RAB11FIP5: variants seen among roughly 807,000 people sequenced by gnomAD.
RAB11FIP5 encodes rab11 family-interacting protein 5.
A neutral mutation model predicts 85.1 loss-of-function variants in RAB11FIP5; 48 were observed. That is an observed-to-expected ratio of 0.56 (90% CI 0.45 to 0.72). The LOEUF is 0.72. RAB11FIP5 is among the 30% of genes least tolerant of loss of function. The probability of loss-of-function intolerance (pLI) is 0.00; values close to 1 mark genes in which losing one functional copy is unlikely to be tolerated. For synonymous variants in RAB11FIP5, 729 were observed against 727.3 expected, an observed-to-expected ratio of 1.00 and a Z score of -0.04; for missense variants, 1,491 against 1,687.0, an observed-to-expected ratio of 0.88 and a Z score of 2.04.
chr2:73,077,048 C>T (rs1441727455), intron 4 of RAB11FIP5, among the ~76,000 whole-genome samples: 1 of 152,140 alleles, frequency 6.6e-6, no homozygotes, highest in Non-Finnish European at 1.5e-5. Flanking sequence ...TCAGTCTTAA[C>T]AACTGCTAGT....
At chr2:73,105,409 A>AT (rs750591267) in intron 1 of RAB11FIP5, among the ~76,000 whole-genome samples, 1 of 151,928 alleles carries the variant, frequency 6.6e-6, no homozygotes, top group African/African-American at 2.4e-5. Context: ...TGCCCAGCTA[A>AT]TTTTTTGTAT....
Position 73,074,729 on chromosome 2 carries a change from A to T in RAB11FIP5, c.*792T>A, listed in dbSNP as rs1183143289. ...GATCCCCAAATCATAAGCAGTCCCA[A>T]GCCCCAGCCTGGAGGGACCTACACA... On this transcript the variant is annotated 3_prime_UTR_variant, in exon 6 of 6. Transcript: ENST00000486777. The T allele has an allele frequency of 6.0e-6, 1 of 165,996 alleles. No homozygotes were observed. Among genetic ancestry groups the T allele is most frequent in the Non-Finnish European group, 1.3e-5 (1 of 74,474 alleles). The allele number at this position is 165,996 out of a possible 1,614,324, so 10.3% of individuals were successfully genotyped here.
intron 1 of RAB11FIP5, among the ~76,000 whole-genome samples, chr2:73,105,064 C>G (rs1489658120): frequency 6.6e-6 from 1 of 152,150 alleles, no homozygotes; most frequent in Non-Finnish European, 1.5e-5. Flanking sequence ...GGAGGAAGAA[C>G]AGGATGGCTT....
chr2:73,079,885 T>C lies in RAB11FIP5; in HGVS notation c.3347A>G (p.His1116Arg). Residue 1116 changes from histidine to arginine, a missense_variant, in exon 4 of 6, where the codon CAC becomes CGC. Transcript: ENST00000486777. ...PPPPLPPWAS[H>R]HRGGPSPPCS... ...TGGAGGGCTGGGCCCCCCACGGTGG[T>C]GGCTGGCCCAAGGCGGGAGAGGGGG... The C allele has an allele frequency of 8.1e-7, 1 of 1,232,266 alleles. No individual in the cohort carries two copies. The allele number at this position is 1,232,266 out of a possible 1,614,324, so 76.3% of individuals were successfully genotyped here.
At chr2:73,105,215 G>A (rs1177142886) in intron 1 of RAB11FIP5, among the ~76,000 whole-genome samples, 1 of 152,108 alleles carries the variant, frequency 6.6e-6, no homozygotes, top group Non-Finnish European at 1.5e-5. Flanking sequence ...AAGTGAGGCT[G>A]ACCTTCTCAG....
At chr2:73,100,783 T>C (rs1274266954) in intron 1 of RAB11FIP5, among the ~76,000 whole-genome samples, 4 of 151,816 alleles carry the variant, frequency 2.6e-5, no homozygotes, top group African/African-American at 9.7e-5. Context: ...ACAGGTTTTT[T>C]TTGGTTGTGT....
chr2:73,088,222 G>A lies in RAB11FIP5; in HGVS notation c.1396C>T (p.His466Tyr). 1 of 1,613,906 alleles carries A rather than the reference G, an allele frequency of 6.2e-7. No individual in the cohort carries two copies. The highest frequency in any genetic ancestry group is 1.1e-5 in the South Asian group (1 of 91,084). ...CGACTTAGGCCTTGGTGGTGGTGGT[G>A]GAAGAGACCCATCCGGGGCTTGCGT... ...EERKPRMGLFHHHHQGLSRSE... is the reference protein window; with the variant it reads ...EERKPRMGLFYHHHQGLSRSE... The change falls in exon 3 of 6, where the codon CAC becomes TAC. Residue 466 changes from histidine (H) to tyrosine (Y), a missense_variant. Physicochemically the swap from His to Tyr is moderately conservative, Grantham distance 83. Coordinates refer to ENST00000486777, the MANE Select transcript of RAB11FIP5 (RefSeq NM_001371272.1).
chr2:73,081,126 T>C lies in RAB11FIP5; in HGVS notation c.2106A>G (p.Gly702=), dbSNP rs1049610798. 2.1e-5 allele frequency: 26 copies of C among 1,228,696 alleles called. No homozygotes were observed. The highest frequency in any genetic ancestry group is 4.1e-5 in the South Asian group (1 of 24,198). 76.1% of individuals were successfully genotyped at this position (1,228,696 alleles called of 1,614,324 possible). A position where few individuals can be genotyped will look rare whatever the true frequency, so the allele number is the denominator to read the frequency against. The change falls in exon 4 of 6, where the codon GGA becomes GGG. Residue 702 remains glycine, a synonymous_variant. Coordinates refer to ENST00000486777, the MANE Select transcript of RAB11FIP5 (RefSeq NM_001371272.1). The surrounding 1 kb of genome is among the most constrained non-coding windows in gnomAD (Gnocchi z 4.2). ...KAAEPQGEPG[G]GGGGGGGGGG... ...CTCCTCCTCCTCCTCCTCCTCCTCC[T>C]CCCCCAGGCTCTCCCTGGGGCTCAG... is the stretch of plus-strand genomic sequence containing the variant.
chr2:73,091,849 C>T (rs1352046307), intron 1 of RAB11FIP5, among the ~76,000 whole-genome samples: 1 of 152,176 alleles, frequency 6.6e-6, no homozygotes, highest in African/African-American at 2.4e-5. Context: ...GGTTTTCCCT[C>T]CCAAACCTGA....
intron 3 of RAB11FIP5, among the ~76,000 whole-genome samples, chr2:73,087,736 C>T (rs1684116350): frequency 6.6e-6 from 1 of 152,210 alleles, no homozygotes; most frequent in African/African-American, 2.4e-5. Context: ...AAAGAATTCA[C>T]ACAAATGGAC....
Position 73,074,151 on chromosome 2 carries a change from G to A in RAB11FIP5, c.*1370C>T, listed in dbSNP as rs1207695098. ...TTCAAAGTGCACTGCAGCCAAGCCA[G>A]GCAAGCCCCTGGGGCAGAAGGGACA... is the stretch of plus-strand genomic sequence containing the variant. On this transcript the variant is annotated 3_prime_UTR_variant, in exon 6 of 6. Coordinates refer to ENST00000486777, the MANE Select transcript of RAB11FIP5 (RefSeq NM_001371272.1). The A allele has an allele frequency of 6.6e-6, 1 of 152,294 alleles. No homozygotes were observed. Among genetic ancestry groups the A allele is most frequent in the Non-Finnish European group, 1.5e-5 (1 of 68,076 alleles). 9.4% of individuals were successfully genotyped at this position (152,294 alleles called of 1,614,324 possible). A position where few individuals can be genotyped will look rare whatever the true frequency, so the allele number is the denominator to read the frequency against.
In RAB11FIP5 at chr2:73,081,635, C is replaced by G; in HGVS notation, c.1597G>C (p.Asp533His). Residue 533 changes from aspartate to histidine, a missense_variant, in exon 4 of 6, where the codon GAC becomes CAC. Physicochemically the swap from Asp to His is moderately conservative, Grantham distance 81. Around this residue, in one of 3 missense-constraint regions of RAB11FIP5, gnomAD observed 1,211 missense variants for 1,338.0 expected, o/e 0.91. Transcript: ENST00000486777. This position sits in a 1 kb window ranked among gnomAD's most constrained non-coding sequence, Gnocchi z 4.2. ...SLDVSPQVES[D>H]PAALPHHLPC... ...AGGTGGTGAGGAAGAGCAGCTGGGT[C>G]AGATTCTACCTGAGGAGACACGTCC... The G allele has an allele frequency of 1.6e-6, 2 of 1,230,768 alleles. No homozygotes were observed. The highest frequency in any genetic ancestry group is 2.0e-6 in the Non-Finnish European group (2 of 986,608). 76.2% of individuals were successfully genotyped at this position (1,230,768 alleles called of 1,614,324 possible).
At chr2:73,111,928 G>GCGC (rs1379164070) in intron 1 of RAB11FIP5, among the ~76,000 whole-genome samples, 1 of 152,184 alleles carries the variant, frequency 6.6e-6, no homozygotes, top group Non-Finnish European at 1.5e-5. Flanking sequence ...GGGCAAGGCT[G>GCGC]CGCCTCTCCA....
chr2:73,093,400 G>T (rs147023552), intron 1 of RAB11FIP5, among the ~76,000 whole-genome samples: 1 of 152,310 alleles, frequency 6.6e-6, no homozygotes, highest in African/African-American at 2.4e-5. Context: ...CCCTGGTGTT[G>T]TCATGTCCTG....
In RAB11FIP5 at chr2:73,089,336, G is replaced by C. The variant is rs948111102; in HGVS notation, c.432-21C>G. The C allele has an allele frequency of 6.2e-7, 1 of 1,610,492 alleles. No individual in the cohort carries two copies. Among genetic ancestry groups the C allele is most frequent in the South Asian group, 1.1e-5 (1 of 91,084 alleles). ...ACCACCTGTGAGAAGAGGGGAGCAG[G>C]CAGAACTCAGTCACGGGCCCAGGGA... On this transcript the variant is annotated intron_variant, in intron 1 of 5. Coordinates refer to ENST00000486777, the MANE Select transcript of RAB11FIP5 (RefSeq NM_001371272.1). The surrounding 1 kb of genome is among the most constrained non-coding windows in gnomAD (Gnocchi z 4.6).
At position 73,076,026 on chromosome 2, in the gene RAB11FIP5, C is replaced by T; in HGVS notation, c.3738G>A (p.Gln1246=). 2 of 1,614,020 alleles carry T rather than the reference C, an allele frequency of 1.2e-6. No homozygotes were observed. Among genetic ancestry groups the T allele is most frequent in the South Asian group, 2.2e-5 (2 of 91,084 alleles). ...TTTTGGTGTCCACCATCTGGCCAGC[C>T]TGGGGGGCCTGGGTCACAGGCTGAA... ...GSIQPVTQAP[Q]AGQMVDTKRL... The change falls in exon 5 of 6, where the codon CAG becomes CAA. Residue 1246 remains glutamine, a synonymous_variant. Coordinates refer to ENST00000486777, the MANE Select transcript of RAB11FIP5 (RefSeq NM_001371272.1).
Position 73,081,108 on chromosome 2 carries a change from TCCTCC to T in RAB11FIP5, c.2119_2123del (p.Gly707ArgfsTer31). 8.1e-7 allele frequency: 1 copy of T among 1,232,112 alleles called. No homozygotes were observed. Among genetic ancestry groups the T allele is most frequent in the Non-Finnish European group, 1.0e-6 (1 of 987,900 alleles). 76.3% of individuals were successfully genotyped at this position (1,232,112 alleles called of 1,614,324 possible). ...TGCTCCCACCTCTTCCTCCTCCTCC[TCCTCC>T]TCCTCCTCCTCCTCCCCCAGGCTCT... On this transcript the variant is annotated frameshift_variant, in exon 4 of 6. Coordinates refer to ENST00000486777, the MANE Select transcript of RAB11FIP5 (RefSeq NM_001371272.1). LOFTEE classifies it high-confidence loss of function. The surrounding 1 kb of genome is among the most constrained non-coding windows in gnomAD (Gnocchi z 4.2).
rs1434877562 is a variant in RAB11FIP5 at position 73,081,516 on chromosome 2, A to C, written c.1716T>G (p.Ala572=). 8.1e-7 allele frequency: 1 copy of C among 1,229,612 alleles called. No homozygotes were observed. The highest frequency in any genetic ancestry group is 1.6e-5 in the African/African-American group (1 of 64,306). The allele number at this position is 1,229,612 out of a possible 1,614,324, so 76.2% of individuals were successfully genotyped here. ...STNLFAAASP[A]AATAAAAATT... The stretch of plus-strand genomic sequence containing the variant: ...TGGCGGCAGCGGCAGCAGTGGCAGC[A>C]GCGGGGGAGGCGGCTGCAAAAAGGT... Residue 572 remains alanine (A), a synonymous_variant, in exon 4 of 6, where the codon GCT becomes GCG. Transcript: ENST00000486777. The surrounding 1 kb of genome is among the most constrained non-coding windows in gnomAD (Gnocchi z 4.2).
Position 73,076,038 on chromosome 2 carries a change from G to A in RAB11FIP5, c.3726C>T (p.Thr1242=), listed in dbSNP as rs1459914666. Residue 1242 remains threonine, a synonymous_variant, in exon 5 of 6, where the codon ACC becomes ACT. Coordinates refer to ENST00000486777, the MANE Select transcript of RAB11FIP5 (RefSeq NM_001371272.1). ...TVTSGSIQPV[T]QAPQAGQMVD... The stretch of plus-strand genomic sequence containing the variant: ...CCATCTGGCCAGCCTGGGGGGCCTG[G>A]GTCACAGGCTGAATGCTCCCAGATG... The A allele has an allele frequency of 6.2e-7, 1 of 1,614,092 alleles. No homozygotes were observed. Among genetic ancestry groups the A allele is most frequent in the Non-Finnish European group, 8.5e-7 (1 of 1,179,946 alleles).
Sources: gnomAD v4.1 joint callset for allele counts (sites outside exome capture counted in the v4.1 genomes callset) on GRCh38, gnomAD v4.1.1 for gene constraint, gnomAD v4.1.1 regional missense constraint, Gnocchi (gnomAD v3.1) non-coding constraint, MANE v1.5 for transcripts, NCBI Gene and HGNC (gene_info 2026-07-23, HGNC 2026-07-21) for gene names.